Variants in CSMD1 observed in about 807,000 individuals in gnomAD.
The protein encoded by CSMD1 is CUB and Sushi multiple domains 1.
A neutral mutation model predicts 417.5 loss-of-function variants in CSMD1; 213 were observed. The observed-to-expected ratio is 0.51, with a 90% CI of 0.46 to 0.57. CSMD1 has a LOEUF of 0.57. Ranked by LOEUF, CSMD1 falls within the 20% of genes least tolerant of loss-of-function variation. The probability of loss-of-function intolerance (pLI) is 0.00; values close to 1 mark genes in which losing one functional copy is unlikely to be tolerated. For synonymous variants in CSMD1, 2,862 were observed against 1,736.8 expected, an observed-to-expected ratio of 1.65 and a Z score of -16.11; for missense variants, 6,923 against 4,529.7, an observed-to-expected ratio of 1.53 and a Z score of -15.17.
intron 2 of CSMD1, among the ~76,000 whole-genome samples, chr8:4,453,979 G>A (rs1024252336): frequency 1.7e-4 from 26 of 151,448 alleles, no homozygotes; most frequent in Non-Finnish European, 3.1e-4. Context: ...CCGCCACCGC[G>A]CCCGGCTAAT....
chr8:3,182,339 C>G (rs773654834), intron 36 of CSMD1, among the ~76,000 whole-genome samples: 2 of 152,136 alleles, frequency 1.3e-5, no homozygotes, highest in Non-Finnish European at 2.9e-5. Flanking sequence ...CTCAGCTTCC[C>G]AAGTAGCTGA....
rs116773278 is a variant in CSMD1 at position 3,519,652 on chromosome 8, C to T, written c.1345-25926G>A. ...TATCTGTAGCACATGCATACGAAAG[C>T]TTATCAAGCAGCATGCAGGCCATGG... On this transcript the variant is annotated intron_variant, in intron 10 of 69. Coordinates refer to ENST00000635120, the MANE Select transcript of CSMD1 (RefSeq NM_033225.6). 2.6e-3 allele frequency among the ~76,000 whole-genome samples: 401 copies of T among 152,276 alleles called. 2 individuals carry two copies. The highest frequency in any genetic ancestry group is 9.4e-3 in the African/African-American group (389 of 41,546).
chr8:4,324,331 A>G (rs918148359), intron 3 of CSMD1, among the ~76,000 whole-genome samples: 1 of 152,132 alleles, frequency 6.6e-6, no homozygotes, highest in Non-Finnish European at 1.5e-5. Context: ...AGAAATCAAT[A>G]CTCGGAAGGT....
intron 3 of CSMD1, among the ~76,000 whole-genome samples, chr8:4,379,687 CAATGAAGCAACAATGGCG>C (rs1802978905): frequency 3.5e-5 from 2 of 56,466 alleles, no homozygotes; most frequent in Non-Finnish European, 1.0e-4. Flanking sequence ...GGGAAGAGGG[CAATGAAGCAACAATGGCG>C]GGAAGAGGGC....
intron 1 of CSMD1, among the ~76,000 whole-genome samples, chr8:4,674,029 A>G (rs868840111): frequency 7.2e-5 from 11 of 152,230 alleles, no homozygotes; most frequent in African/African-American, 1.4e-4. Context: ...TATGAGAAGT[A>G]TATCTCAATA....
intron 5 of CSMD1, among the ~76,000 whole-genome samples, chr8:3,891,039 T>C (rs929397434): frequency 7.1e-6 from 1 of 141,034 alleles, no homozygotes; most frequent in African/African-American, 2.9e-5. Flanking sequence ...AGCTTTTTTG[T>C]TTTTTTTTTG....
At chr8:4,723,782 G>T (rs1236847586) in intron 1 of CSMD1, among the ~76,000 whole-genome samples, 1 of 64,452 alleles carries the variant, frequency 1.6e-5, no homozygotes, top group Non-Finnish European at 2.8e-5. Context: ...ATATGCTTTC[G>T]AATGTAAAAA....
chr8:4,365,554 G>A (rs999779675), intron 3 of CSMD1, among the ~76,000 whole-genome samples: 5 of 152,178 alleles, frequency 3.3e-5, no homozygotes, highest in Non-Finnish European at 5.9e-5. Context: ...AGTTACTTAT[G>A]ATTGTGCCTC....
At chr8:3,558,551 GGTACCCCGTGTCCACTCCTGC>G (rs1799302893) in intron 10 of CSMD1, among the ~76,000 whole-genome samples, 2 of 124,892 alleles carry the variant, frequency 1.6e-5, no homozygotes, top group African/African-American at 6.3e-5. Context: ...GTGTCTCAAT[GGTACCCCGTGTCCACTCCTGC>G]AATGATGAAT....
intron 1 of CSMD1, among the ~76,000 whole-genome samples, chr8:4,768,276 G>C (rs941301970): frequency 3.1e-4 from 47 of 151,972 alleles, no homozygotes; most frequent in Non-Finnish European, 5.4e-4. Context: ...ACCTCCGAGA[G>C]AGCACAGGTA....
chr8:3,005,587 C>T (rs1390107693), intron 52 of CSMD1, among the ~76,000 whole-genome samples: 3 of 152,174 alleles, frequency 2.0e-5, no homozygotes, highest in Admixed American at 1.3e-4. Context: ...ATCAAGTGGG[C>T]TTCATCCCTG....
chr8:4,273,743 A>T (rs1239936189), intron 3 of CSMD1, among the ~76,000 whole-genome samples: 1 of 152,170 alleles, frequency 6.6e-6, no homozygotes, highest in African/African-American at 2.4e-5. Flanking sequence ...GGGTCAAAAC[A>T]CTGACAGCTC....
At chr8:3,827,657 T>C (rs1447443233) in intron 5 of CSMD1, among the ~76,000 whole-genome samples, 1 of 152,326 alleles carries the variant, frequency 6.6e-6, no homozygotes, top group Non-Finnish European at 1.5e-5. Flanking sequence ...TAAAACATGA[T>C]TTTTGAAAGT....
At chr8:3,396,691 T>TGATA (rs999217367) in intron 16 of CSMD1, among the ~76,000 whole-genome samples, 3 of 152,058 alleles carry the variant, frequency 2.0e-5, no homozygotes, top group Admixed American at 1.3e-4. Flanking sequence ...GATGATAGAT[T>TGATA]GATAGATAGA....
At chr8:4,093,901 A>C (rs747874226) in intron 3 of CSMD1, among the ~76,000 whole-genome samples, 1 of 152,150 alleles carries the variant, frequency 6.6e-6, no homozygotes, top group Non-Finnish European at 1.5e-5. Flanking sequence ...CAGAGGTTTC[A>C]GTGAGCCCAG....
At chr8:4,963,311 T>G (rs918802964) in intron 1 of CSMD1, among the ~76,000 whole-genome samples, 1 of 152,194 alleles carries the variant, frequency 6.6e-6, no homozygotes, top group South Asian at 2.1e-4. Context: ...AGCAATCATG[T>G]GCCTCAGCCT....
In CSMD1 at chr8:3,052,617, C is replaced by T; in HGVS notation, c.7505G>A (p.Gly2502Glu). The change falls in exon 50 of 70, where the codon GGA becomes GAA. Residue 2502 changes from glycine (G) to glutamate (E), a missense_variant. By Grantham distance (98) the Gly-to-Glu change is moderately conservative. Transcript: ENST00000635120. ...AVSCGIPESP[G>E]NGSFTGNEFT... ...CTCGTTCCCGGTAAATGAACCGTTT[C>T]CTGGGGATTCTGGGATTCCACAGGA... The T allele has an allele frequency of 6.2e-7, 1 of 1,611,090 alleles. No individual in the cohort carries two copies. Among genetic ancestry groups the T allele is most frequent in the Non-Finnish European group, 8.5e-7 (1 of 1,178,712 alleles).
intron 2 of CSMD1, among the ~76,000 whole-genome samples, chr8:4,455,910 C>G: frequency 1.3e-5 from 1 of 74,126 alleles, no homozygotes; most frequent in South Asian, 4.7e-4. Context: ...GCCTGGGTGA[C>G]AAAGTGAGAC....
chr8:3,206,586 T>TG (rs1321442276), intron 30 of CSMD1, among the ~76,000 whole-genome samples: 7 of 138,792 alleles, frequency 5.0e-5, no homozygotes, highest in African/African-American at 1.1e-4. Flanking sequence ...TGTGTATGTG[T>TG]GGGGGGCGTA....
Sources: gnomAD v4.1 joint callset for allele counts (sites outside exome capture counted in the v4.1 genomes callset) on GRCh38, gnomAD v4.1.1 for gene constraint, MANE v1.5 for transcripts, NCBI Gene and HGNC (gene_info 2026-07-23, HGNC 2026-07-21) for gene names.